The following IGFL2 variants were observed in gnomAD, a reference collection of about 807,000 sequenced individuals.
IGFL2 encodes the protein insulin growth factor-like family member 2.
A neutral mutation model predicts 13.9 loss-of-function variants in IGFL2; 7 were observed. The ratio of observed to expected loss-of-function variants is 0.51; its 90% CI spans 0.29 to 0.95. The LOEUF (loss-of-function observed/expected upper bound fraction) is 0.95, where lower values mean the gene tolerates loss of function less well. IGFL2 is among the 40% of genes least tolerant of loss of function. The pLI, the probability that IGFL2 is intolerant of heterozygous loss-of-function variation, is 0.08. For missense variants in IGFL2, 138 were observed against 147.8 expected, an observed-to-expected ratio of 0.93 and a Z score of 0.34; for synonymous variants, 55 against 55.8, an observed-to-expected ratio of 0.99 and a Z score of 0.07.
the IGFL2 span, chr19:46,137,436 G>A: frequency 9.8e-7 from 1 of 1,021,146 alleles, no homozygotes; most frequent in East Asian, 2.4e-5. Flanking sequence ...ACATTGTAAT[G>A]GTGCTCATAC....
At chr19:46,166,139 A>T (rs1974393482), downstream of IGFL2, among the ~76,000 whole-genome samples, 1 of 152,220 alleles carries the variant, frequency 6.6e-6, no homozygotes, top group South Asian at 2.1e-4. Flanking sequence ...ACTGGCTAAC[A>T]AAGAGGACAT....
intron 1 of IGFL2, chr19:46,149,181 TC>T: frequency 1.9e-6 from 1 of 540,268 alleles, no homozygotes; most frequent in Non-Finnish European, 3.4e-6. Context: ...CTCTCTTCTC[TC>T]TCTCTTTCTC....
the IGFL2 span, among the ~76,000 whole-genome samples, chr19:46,125,219 C>G: frequency 2.0e-4 from 30 of 152,322 alleles, 1 homozygote; most frequent in African/African-American, 7.2e-4. Context: ...GCTCTGGAAA[C>G]TCCAATAAAG....
chr19:46,181,555 A>G, the IGFL2 span, among the ~76,000 whole-genome samples: 1 of 152,234 alleles, frequency 6.6e-6, no homozygotes, highest in African/African-American at 2.4e-5. Context: ...GAGAGTTTTC[A>G]GATTTAGCAC....
chr19:46,194,846 ATATATATTTTTTT>A, the IGFL2 span, among the ~76,000 whole-genome samples: 1 of 34,888 alleles, frequency 2.9e-5, no homozygotes, highest in African/African-American at 9.0e-5. Context: ...ATATATATAT[ATATATATTTTTTT>A]TTTTTTTTTT....
At chr19:46,205,891 T>G in the IGFL2 span, among the ~76,000 whole-genome samples, 1 of 152,040 alleles carries the variant, frequency 6.6e-6, no homozygotes, top group East Asian at 1.9e-4. Flanking sequence ...GGGGCTTGAG[T>G]GGTTTGAACG....
At chr19:46,100,905 G>A in the IGFL2 span, among the ~76,000 whole-genome samples, 1 of 151,958 alleles carries the variant, frequency 6.6e-6, no homozygotes, top group Non-Finnish European at 1.5e-5. Context: ...AAGTTTTTGT[G>A]GTGACTTCTT....
At chr19:46,080,355 G>T in the IGFL2 span, among the ~76,000 whole-genome samples, 3 of 151,968 alleles carry the variant, frequency 2.0e-5, no homozygotes. Flanking sequence ...TCAACATAGC[G>T]AGTCAACTTA....
At chr19:46,092,334 A>C in the IGFL2 span, among the ~76,000 whole-genome samples, 10 of 152,074 alleles carry the variant, frequency 6.6e-5, no homozygotes, top group Non-Finnish European at 1.5e-4. Flanking sequence ...TAATTAAAAA[A>C]AATTTTTTTT....
the IGFL2 span, among the ~76,000 whole-genome samples, chr19:46,174,656 C>T: frequency 1.2e-4 from 18 of 152,168 alleles, 1 homozygote; most frequent in African/African-American, 4.3e-4. Flanking sequence ...TTCCCCAGTG[C>T]TCCTCACACT....
chr19:46,196,968 C>T, the IGFL2 span: 33 of 208,772 alleles, frequency 1.6e-4, no homozygotes, highest in African/African-American at 7.6e-4. Context: ...CCAGGAGATC[C>T]CAGGCTGGGA....
At chr19:46,122,969 G>T in the IGFL2 span, among the ~76,000 whole-genome samples, 1 of 150,442 alleles carries the variant, frequency 6.6e-6, no homozygotes, top group Non-Finnish European at 1.5e-5. Flanking sequence ...TCTTTCCAGG[G>T]TAAAAAAAAT....
At chr19:46,189,291 A>G in the IGFL2 span, 1 of 152,338 alleles carries the variant, frequency 6.6e-6, no homozygotes, top group Non-Finnish European at 1.5e-5. Flanking sequence ...GACTTTTAGT[A>G]CTTTCACTAA....
At chr19:46,174,739 C>T in the IGFL2 span, among the ~76,000 whole-genome samples, 1 of 152,194 alleles carries the variant, frequency 6.6e-6, no homozygotes, top group South Asian at 2.1e-4. Flanking sequence ...GTCTCTCAGA[C>T]CCTCTTTGGA....
At chr19:46,201,813 G>T in the IGFL2 span, among the ~76,000 whole-genome samples, 1 of 152,152 alleles carries the variant, frequency 6.6e-6, no homozygotes, top group Non-Finnish European at 1.5e-5. Context: ...TGTAGTCCAG[G>T]AATAGTCAGG....
At chr19:46,125,194 A>G in the IGFL2 span, among the ~76,000 whole-genome samples, 5 of 152,200 alleles carry the variant, frequency 3.3e-5, no homozygotes, top group African/African-American at 1.2e-4. Context: ...CACCTGCTCT[A>G]GCAGTTGAGC....
the IGFL2 span, chr19:46,173,859 T>C: frequency 3.3e-5 from 5 of 152,220 alleles, no homozygotes; most frequent in African/African-American, 1.2e-4. Context: ...CCAGATGTTG[T>C]GTCTTTATTG....
At chr19:46,125,710 G>T in the IGFL2 span, among the ~76,000 whole-genome samples, 1 of 152,110 alleles carries the variant, frequency 6.6e-6, no homozygotes, top group African/African-American at 2.4e-5. Context: ...GCGGAGGTGT[G>T]GGGTGTGGTT....
chr19:46,177,424 T>G, the IGFL2 span, among the ~76,000 whole-genome samples: 12 of 152,102 alleles, frequency 7.9e-5, no homozygotes, highest in Non-Finnish European at 1.6e-4. Flanking sequence ...ACTTAATCCT[T>G]TATCAAATGT....
Sources: gnomAD v4.1 joint callset for allele counts (sites outside exome capture counted in the v4.1 genomes callset) on GRCh38, gnomAD v4.1.1 for gene constraint, MANE v1.5 for transcripts, NCBI Gene and HGNC (gene_info 2026-07-23, HGNC 2026-07-21) for gene names.